Variants in PRKG1 observed in about 807,000 individuals in gnomAD.
The protein encoded by PRKG1 is cGMP-dependent protein kinase 1.
PRKG1 carries 35 observed loss-of-function variants against 88.1 expected under a neutral mutation model. The ratio of observed to expected loss-of-function variants is 0.40; its 90% CI spans 0.30 to 0.53. The LOEUF is 0.53. Among genes scored for constraint, PRKG1 ranks in the 20% least tolerant of loss-of-function variants. The probability of loss-of-function intolerance (pLI) is 0.59; values close to 1 mark genes in which losing one functional copy is unlikely to be tolerated. For missense variants in PRKG1, 540 were observed against 839.8 expected, an observed-to-expected ratio of 0.64 and a Z score of 4.41; for synonymous variants, 303 against 292.5, an observed-to-expected ratio of 1.04 and a Z score of -0.37.
chr10:51,954,305 C>T (rs772592532), intron 5 of PRKG1, among the ~76,000 whole-genome samples: 3 of 152,054 alleles, frequency 2.0e-5, no homozygotes, highest in African/African-American at 4.8e-5. Context: ...GAAGTAGAGA[C>T]GAATGCATGC....
intron 3 of PRKG1, among the ~76,000 whole-genome samples, chr10:51,665,846 T>C (rs1840409540): frequency 6.6e-6 from 1 of 152,026 alleles, no homozygotes; most frequent in Non-Finnish European, 1.5e-5. Context: ...ATTTTTATTT[T>C]GGTAGAAGAG....
At chr10:51,019,834 A>G (rs1380528550) in intron 1 of PRKG1, among the ~76,000 whole-genome samples, 2 of 152,136 alleles carry the variant, frequency 1.3e-5, no homozygotes, top group Non-Finnish European at 2.9e-5. Context: ...AAAAATGGGC[A>G]AAGGAAATGA....
chr10:51,431,653 T>C (rs1838774105), intron 2 of PRKG1, among the ~76,000 whole-genome samples: 1 of 152,210 alleles, frequency 6.6e-6, no homozygotes, highest in South Asian at 2.1e-4. Context: ...TATCCTCAGT[T>C]GGGGGGCTAC....
At chr10:51,844,609 C>T (rs1258074643) in intron 4 of PRKG1, among the ~76,000 whole-genome samples, 5 of 152,116 alleles carry the variant, frequency 3.3e-5, no homozygotes, top group Non-Finnish European at 5.9e-5. Context: ...TGATTTGACA[C>T]TGAAATCAAT....
chr10:52,151,167 C>T (rs1910535), intron 8 of PRKG1, among the ~76,000 whole-genome samples: 152,070 of 152,178 alleles, frequency 1, 75,981 homozygotes, highest in Non-Finnish European at 1. Flanking sequence ...GGTGTGTAGA[C>T]TATTTTGTAC....
At chr10:51,567,181 T>A (rs1837628849) in intron 3 of PRKG1, among the ~76,000 whole-genome samples, 1 of 152,082 alleles carries the variant, frequency 6.6e-6, no homozygotes, top group Admixed American at 6.6e-5. Flanking sequence ...CCATTCTGTT[T>A]ATTTTTTGAA....
chr10:51,123,672 A>C (rs1040986225), intron 1 of PRKG1, among the ~76,000 whole-genome samples: 1 of 146,648 alleles, frequency 6.8e-6, no homozygotes, highest in Non-Finnish European at 1.5e-5. Flanking sequence ...TATCCTGGGC[A>C]ACAGATCGAG....
chr10:51,876,567 C>T (rs948747648), intron 4 of PRKG1, among the ~76,000 whole-genome samples: 2 of 152,158 alleles, frequency 1.3e-5, no homozygotes, highest in Non-Finnish European at 2.9e-5. Context: ...GCAAATCATG[C>T]TTACTTTCAT....
chr10:51,575,569 C>T (rs1224534028), intron 3 of PRKG1, among the ~76,000 whole-genome samples: 2 of 151,918 alleles, frequency 1.3e-5, no homozygotes, highest in Non-Finnish European at 2.9e-5. Context: ...GTATATAACT[C>T]ATTGTGATTA....
intron 3 of PRKG1, among the ~76,000 whole-genome samples, chr10:51,524,902 A>C (rs1035868286): frequency 6.6e-6 from 1 of 152,222 alleles, no homozygotes; most frequent in South Asian, 2.1e-4. Flanking sequence ...TTCCAATTAC[A>C]TTTTTAATGA....
At chr10:51,299,599 G>A (rs1225930966) in intron 2 of PRKG1, 2 of 471,114 alleles carry the variant, frequency 4.2e-6, no homozygotes, top group Non-Finnish European at 8.8e-6. Flanking sequence ...AAATCCCATG[G>A]TGCCTTCTCC....
intron 5 of PRKG1, among the ~76,000 whole-genome samples, chr10:51,976,439 T>C (rs769667400): frequency 1.3e-5 from 2 of 151,984 alleles, no homozygotes; most frequent in Non-Finnish European, 2.9e-5. Context: ...ATGAAGTCCT[T>C]ATAAATGCTA....
At chr10:51,071,955 T>C (rs1843832158), upstream of PRKG1, among the ~76,000 whole-genome samples, 1 of 152,174 alleles carries the variant, frequency 6.6e-6, no homozygotes, top group Admixed American at 6.5e-5. Flanking sequence ...TCCCAGCATT[T>C]TTGGAGGCCA....
At chr10:52,211,137 G>A (rs970151780) in intron 9 of PRKG1, among the ~76,000 whole-genome samples, 7 of 151,998 alleles carry the variant, frequency 4.6e-5, no homozygotes, top group East Asian at 1.9e-4. Flanking sequence ...ATCAGTTATC[G>A]GATAGTCTGT....
intron 2 of PRKG1, among the ~76,000 whole-genome samples, chr10:51,223,278 A>T (rs1838600381): frequency 6.6e-6 from 1 of 152,154 alleles, no homozygotes; most frequent in African/African-American, 2.4e-5. Flanking sequence ...TTTTATAGTT[A>T]TAAAAAAGTT....
intron 5 of PRKG1, among the ~76,000 whole-genome samples, chr10:52,021,086 C>T (rs1041882256): frequency 2.0e-5 from 3 of 152,148 alleles, no homozygotes; most frequent in Admixed American, 2.0e-4. Flanking sequence ...TTACAAGCAA[C>T]ACTCAGAACA....
intron 4 of PRKG1, among the ~76,000 whole-genome samples, chr10:51,833,087 A>G (rs192536287): frequency 6.6e-6 from 1 of 152,276 alleles, no homozygotes; most frequent in African/African-American, 2.4e-5. Context: ...CCTTAAAGAA[A>G]AGGCTCATTG....
intron 2 of PRKG1, among the ~76,000 whole-genome samples, chr10:51,358,105 G>T (rs1296724488): frequency 6.6e-6 from 1 of 151,860 alleles, no homozygotes; most frequent in Non-Finnish European, 1.5e-5. Context: ...GAAATGCTCA[G>T]CTGAGGGGGT....
intron 3 of PRKG1, among the ~76,000 whole-genome samples, chr10:51,628,389 C>T (rs944638993): frequency 9.2e-5 from 14 of 151,356 alleles, no homozygotes; most frequent in African/African-American, 3.4e-4. Context: ...TCTCAAATTC[C>T]TGGGGTCAAG....
Sources: allele counts gnomAD v4.1 joint callset (sites outside exome capture counted in the v4.1 genomes callset), GRCh38; gene constraint gnomAD v4.1.1; transcripts MANE v1.5; gene names NCBI Gene and HGNC (gene_info 2026-07-23, HGNC 2026-07-21).